KIAA1210: variants seen among roughly 807,000 people sequenced by gnomAD.
KIAA1210 encodes the protein acrosomal protein KIAA1210.
In KIAA1210, 48 loss-of-function variants were observed where a neutral mutation model predicts 78.9. That is an observed-to-expected ratio of 0.61 (90% CI 0.48 to 0.77). The LOEUF (loss-of-function observed/expected upper bound fraction) is 0.77, where lower values mean the gene tolerates loss of function less well. Among genes scored for constraint, KIAA1210 ranks in the 30% least tolerant of loss-of-function variants. The pLI, the probability that KIAA1210 is intolerant of heterozygous loss-of-function variation, is 0.00. For synonymous variants in KIAA1210, 406 were observed against 404.5 expected (o/e 1.00, Z -0.04); for missense variants, 1,108 against 1,100.0 (o/e 1.01, Z -0.10).
chrX:119,110,011 T>G (rs1333106144), intron 3 of KIAA1210, among the ~76,000 whole-genome samples: 1 of 111,915 alleles, frequency 8.9e-6, no homozygotes, highest in African/African-American at 3.2e-5. Context: ...GACTCCTTTT[T>G]GGAGTGTGGT....
intron 2 of KIAA1210, among the ~76,000 whole-genome samples, chrX:119,118,296 G>A (rs964198091): frequency 3.6e-5 from 4 of 112,026 alleles, no homozygotes; most frequent in Non-Finnish European, 5.6e-5. Flanking sequence ...CTGGGACTCA[G>A]CAGGAAAATT....
At chrX:119,107,603 T>C (rs778690480) in intron 5 of KIAA1210, among the ~76,000 whole-genome samples, 9 of 112,517 alleles carry the variant, frequency 8.0e-5, no homozygotes, top group Admixed American at 1.9e-4. Context: ...TTAGTGTCTA[T>C]CTCAGTGTTT....
chrX:119,132,983 T>C (rs763551637), intron 2 of KIAA1210, among the ~76,000 whole-genome samples: 3 of 110,917 alleles, frequency 2.7e-5, no homozygotes, highest in African/African-American at 9.8e-5. Flanking sequence ...AGTATGTGCA[T>C]CCACCAAGCA....
At chrX:119,120,469 T>C (rs1234509727) in intron 2 of KIAA1210, among the ~76,000 whole-genome samples, 1 of 111,800 alleles carries the variant, frequency 8.9e-6, no homozygotes, top group African/African-American at 3.3e-5. Flanking sequence ...CTATAAACAC[T>C]GACTAACTGG....
chrX:119,087,355 AGCTGCTCTTTAAAACT>A lies in KIAA1210; in HGVS notation c.3331_3346del (p.Ser1111CysfsTer10). 1 of 1,211,622 alleles carries A rather than the reference AGCTGCTCTTTAAAACT, an allele frequency of 8.3e-7. No homozygotes were observed. On this transcript the variant is annotated frameshift_variant, in exon 9 of 12. Coordinates refer to ENST00000691062, the MANE Select transcript of KIAA1210 (RefSeq NM_001394962.1). LOFTEE classifies it high-confidence loss of function. ...GGCCTGGGAAAGCTGCCTGGGAGAC[AGCTGCTCTTTAAAACT>A]GCTGCACTTCCCAGGAGCTCTCTCT...
Position 119,085,535 on chromosome X carries a change from C to T in KIAA1210, c.4168G>A (p.Gly1390Ser). ...PACKTPGKPA[G>S]QQSDYAVSEP... ...GAGACAGCATAATCTGACTGTTGAC[C>T]AGCAGGCTTTCCTGAGAAAGAAATG... The change falls in exon 10 of 12, where the codon GGT (glycine) becomes AGT (serine). Residue 1390 changes from glycine to serine, a missense_variant. Coordinates refer to ENST00000691062, the MANE Select transcript of KIAA1210 (RefSeq NM_001394962.1). 1.7e-6 allele frequency: 2 copies of T among 1,206,815 alleles called. No homozygotes were observed. The highest frequency in any genetic ancestry group is 1.1e-6 in the Non-Finnish European group (1 of 894,091).
chrX:119,081,502 C>T lies in KIAA1210; in HGVS notation c.4429G>A (p.Gly1477Arg), dbSNP rs1388938518. Residue 1477 changes from glycine (G) to arginine (R), a missense_variant and splice_region_variant, in exon 12 of 12, where the codon GGA becomes AGA. By Grantham distance (125) the Gly-to-Arg change is moderately radical. Around this residue, in one of 5 missense-constraint regions of KIAA1210, gnomAD observed 245 missense variants for 278.8 expected, o/e 0.88. Transcript: ENST00000691062. ...MKPPKPTKSV[G>R]FEAQKILQVP... ...TGCAGTATCTTCTGAGCTTCAAATC[C>T]AACTGGAACCACAGCAAATAACACA... 1.7e-6 allele frequency: 2 copies of T among 1,204,213 alleles called. No individual in the cohort carries two copies. The highest frequency in any genetic ancestry group is 2.2e-6 in the Non-Finnish European group (2 of 891,823).
chrX:119,084,248 G>C (rs1489639013), intron 10 of KIAA1210, among the ~76,000 whole-genome samples: 2 of 110,353 alleles, frequency 1.8e-5, no homozygotes, highest in African/African-American at 3.3e-5. Context: ...TGATAAGAGG[G>C]GAGAAAGGCA....
At chrX:119,150,365 G>C in exon 1 of KIAA1210, 1 of 1,209,898 alleles carries the variant, frequency 8.3e-7, no homozygotes, top group Non-Finnish European at 1.1e-6. Context: ...TTCCAGGTCA[G>C]TCACTGCAGC....
At chrX:119,142,322 C>T (rs192297816) in intron 2 of KIAA1210, among the ~76,000 whole-genome samples, 1 of 112,237 alleles carries the variant, frequency 8.9e-6, no homozygotes. Context: ...TTTTGAATTG[C>T]TACAAGGGAA....
At chrX:119,132,392 C>T (rs931617630), upstream of KIAA1210, among the ~76,000 whole-genome samples, 6 of 111,508 alleles carry the variant, frequency 5.4e-5, no homozygotes, top group African/African-American at 2.0e-4. Context: ...GGTTTGGAGC[C>T]ATGTAAGCTG....
At chrX:119,101,822 G>C (rs1927742799) in intron 6 of KIAA1210, among the ~76,000 whole-genome samples, 1 of 111,542 alleles carries the variant, frequency 9.0e-6, no homozygotes, top group Non-Finnish European at 1.9e-5. Context: ...AAACCAAATA[G>C]GCCTGAATAT....
chrX:119,099,572 G>T (rs1927669797), intron 6 of KIAA1210, among the ~76,000 whole-genome samples: 1 of 112,389 alleles, frequency 8.9e-6, no homozygotes. Context: ...GATCTCTGTT[G>T]TTAGGTTTAG....
At position 119,093,704 on chromosome X, in the gene KIAA1210, T is replaced by C. The variant is rs773178085; in HGVS notation, c.918A>G (p.Lys306=). ...SEEEKSITKP[K]EINEKKLGMD... is the part of the protein sequence containing the mutation. Reference sequence around the variant, plus strand: ...TTCCCAGCTTCTTTTCGTTGATTTCTTTTGGTTTGGTTATGCTCTTTTCTT... The same window carrying C: ...TTCCCAGCTTCTTTTCGTTGATTTCCTTTGGTTTGGTTATGCTCTTTTCTT... The change falls in exon 8 of 12, where the codon AAA becomes AAG. Residue 306 remains lysine (K), a synonymous_variant. Coordinates refer to ENST00000691062, the MANE Select transcript of KIAA1210 (RefSeq NM_001394962.1). The C allele has an allele frequency of 3.7e-5, 45 of 1,210,240 alleles. No individual in the cohort carries two copies. The highest frequency in any genetic ancestry group is 2.3e-4 in the Middle Eastern group (1 of 4,349).
At chrX:119,092,728 T>G (rs1181465055) in intron 8 of KIAA1210, among the ~76,000 whole-genome samples, 2 of 107,312 alleles carry the variant, frequency 1.9e-5, no homozygotes, top group African/African-American at 3.4e-5. Context: ...GCCACTGCAC[T>G]CCAGCCTGGG....
At position 119,088,562 on chromosome X, in the gene KIAA1210, C is replaced by T; in HGVS notation, c.2140G>A (p.Glu714Lys). 8.3e-7 allele frequency: 1 copy of T among 1,211,285 alleles called. No homozygotes were observed. Among genetic ancestry groups the T allele is most frequent in the Non-Finnish European group, 1.1e-6 (1 of 895,231 alleles). Reference protein sequence around the residue: ...QALGKPKNQQEVSSASNNTPE... With the variant: ...QALGKPKNQQKVSSASNNTPE... ...GTATTATTTGAAGCAGAGGAGACTT[C>T]TTGTTGGTTTTTGGGCTTTCCCAAG... The change falls in exon 9 of 12, where the codon GAA becomes AAA. Residue 714 changes from glutamate to lysine, a missense_variant. By Grantham distance (56) the Glu-to-Lys change is moderately conservative. Transcript: ENST00000691062.
chrX:119,112,822 C>T (rs1354604304), intron 3 of KIAA1210, among the ~76,000 whole-genome samples: 1 of 111,607 alleles, frequency 9.0e-6, no homozygotes, highest in East Asian at 2.8e-4. Flanking sequence ...GGCCATTTGA[C>T]CCAACAATTC....
rs1313170733 is a variant in KIAA1210, at chrX:119,088,535, G to A, written c.2167C>T (p.Pro723Ser). 2.5e-6 allele frequency: 3 copies of A among 1,209,426 alleles called. No homozygotes were observed. Among genetic ancestry groups the A allele is most frequent in the Non-Finnish European group, 3.4e-6 (3 of 894,871 alleles). Reference sequence around the variant, plus strand: ...TGCATAAAATCATTCTGCTCTTCAGGAGTATTATTTGAAGCAGAGGAGACT... The same window carrying A: ...TGCATAAAATCATTCTGCTCTTCAGAAGTATTATTTGAAGCAGAGGAGACT... ...QEVSSASNNT[P>S]EEQNDFMQQL... Residue 723 changes from proline (P) to serine (S), a missense_variant, in exon 9 of 12, where the codon CCT (proline) becomes TCT (serine). Pro to Ser is a moderately conservative substitution (Grantham distance 74). Coordinates refer to ENST00000691062, the MANE Select transcript of KIAA1210 (RefSeq NM_001394962.1).
At chrX:119,103,014 TC>T (rs1293783228) in intron 6 of KIAA1210, among the ~76,000 whole-genome samples, 1 of 111,798 alleles carries the variant, frequency 8.9e-6, no homozygotes, top group Non-Finnish European at 1.9e-5. Context: ...GATCAAAGAC[TC>T]AAAAAAATGC....
Sources: allele counts gnomAD v4.1 joint callset (sites outside exome capture counted in the v4.1 genomes callset), GRCh38; gene constraint gnomAD v4.1.1; regional missense constraint gnomAD v4.1.1; transcripts MANE v1.5; gene names NCBI Gene and HGNC (gene_info 2026-07-23, HGNC 2026-07-21).